Variants in CATSPERG observed in about 807,000 individuals in gnomAD.
CATSPERG encodes catsper channel auxiliary subunit gamma.
A neutral mutation model predicts 145.0 loss-of-function variants in CATSPERG; 115 were observed. The observed-to-expected ratio is 0.79, with a 90% CI of 0.68 to 0.93. The LOEUF is 0.93. Among genes scored for constraint, CATSPERG ranks in the 40% least tolerant of loss-of-function variants. The pLI, the probability that CATSPERG is intolerant of heterozygous loss-of-function variation, is 0.00. For missense variants in CATSPERG, 1,296 were observed against 1,490.1 expected, an observed-to-expected ratio of 0.87 and a Z score of 2.14; for synonymous variants, 588 against 589.0, an observed-to-expected ratio of 1.00 and a Z score of 0.02.
In CATSPERG at chr19:38,354,776, A is replaced by G. The variant is rs750230069; in HGVS notation, c.1064A>G (p.Asn355Ser). The stretch of plus-strand genomic sequence containing the variant: ...CTGTGCCCTGTGTATTTCCATAGCA[A>G]TGGCTCTGAGTACATAATGGCCCTC... ...KKLCPVYFHSNGSEYIMALTT... is the reference protein window; with the variant it reads ...KKLCPVYFHSSGSEYIMALTT... The change falls in exon 9 of 29, where the codon AAT (asparagine) becomes AGT (serine). Residue 355 changes from asparagine (N) to serine (S), a missense_variant. Asn to Ser is a conservative substitution (Grantham distance 46). Transcript: ENST00000409235. 1 of 1,614,122 alleles carries G rather than the reference A, an allele frequency of 6.2e-7. No individual in the cohort carries two copies.
In CATSPERG at chr19:38,362,488, G is replaced by A. The variant is rs1328047388; in HGVS notation, c.2270G>A (p.Arg757His). 6.8e-6 allele frequency: 11 copies of A among 1,613,798 alleles called. No individual in the cohort carries two copies. Among genetic ancestry groups the A allele is most frequent in the Non-Finnish European group, 7.6e-6 (9 of 1,180,032 alleles). ...GAGTCCGCGTACGAGCTGCCGGAGCGCATTTTCCTGGACAAGGGCACTGAG... is the reference window on the plus strand; with the variant it reads ...GAGTCCGCGTACGAGCTGCCGGAGCACATTTTCCTGGACAAGGGCACTGAG... ...NLESAYELPE[R>H]IFLDKGTEYS... Residue 757 changes from arginine to histidine, a missense_variant, in exon 19 of 29, where the codon CGC (arginine) becomes CAC (histidine). By Grantham distance (29) the Arg-to-His change is conservative. Coordinates refer to ENST00000409235, the MANE Select transcript of CATSPERG (RefSeq NM_021185.5).
At chr19:38,338,985 A>T (rs1356411377) in intron 3 of CATSPERG, among the ~76,000 whole-genome samples, 2 of 152,090 alleles carry the variant, frequency 1.3e-5, no homozygotes, top group Admixed American at 6.6e-5. Context: ...GCGGAGTCAA[A>T]GGATTGAGAA....
intron 11 of CATSPERG, among the ~76,000 whole-genome samples, chr19:38,357,124 CA>C (rs1568378449): frequency 6.6e-6 from 1 of 152,142 alleles, no homozygotes; most frequent in Non-Finnish European, 1.5e-5. Flanking sequence ...GTGCAGTGCA[CA>C]AAACCCCCAA....
At chr19:38,358,193 G>A (rs1970280572) in intron 11 of CATSPERG, 85 bp from the exon 12 acceptor site, 1 of 1,371,142 alleles carries the variant, frequency 7.3e-7, no homozygotes, top group Non-Finnish European at 1.0e-6. Context: ...TTTACAGGAG[G>A]CTGAGAAGCA....
chr19:38,347,282 G>T (rs537376209), intron 7 of CATSPERG, among the ~76,000 whole-genome samples: 2 of 152,194 alleles, frequency 1.3e-5, no homozygotes, highest in African/African-American at 4.8e-5. Flanking sequence ...GGAGGCTGAG[G>T]CAGGAGAATG....
chr19:38,337,116 T>C, intron 1 of CATSPERG, 105 bp from the exon 2 acceptor site: 1 of 1,361,396 alleles, frequency 7.3e-7, no homozygotes, highest in East Asian at 2.5e-5. Context: ...AGCCGGGGCG[T>C]GGCCAGGAGC....
chr19:38,344,874 CACACACACAT>C (rs771454831), intron 6 of CATSPERG, among the ~76,000 whole-genome samples: 1,188 of 85,458 alleles, frequency 0.014, 60 homozygotes, highest in East Asian at 0.09. Flanking sequence ...CACACACACA[CACACACACAT>C]ATATATATAT....
At chr19:38,339,282 A>G (rs1259330559) in intron 3 of CATSPERG, among the ~76,000 whole-genome samples, 2 of 151,820 alleles carry the variant, frequency 1.3e-5, no homozygotes, top group Non-Finnish European at 2.9e-5. Context: ...GTCTAGACAC[A>G]TTCCAGAGCC....
At chr19:38,347,465 T>G (rs943889498) in intron 7 of CATSPERG, among the ~76,000 whole-genome samples, 1 of 152,224 alleles carries the variant, frequency 6.6e-6, no homozygotes, top group Non-Finnish European at 1.5e-5. Context: ...AAATTCTGCA[T>G]TGCAATATAC....
chr19:38,346,929 G>A (rs1970050797), intron 7 of CATSPERG, among the ~76,000 whole-genome samples: 1 of 152,152 alleles, frequency 6.6e-6, no homozygotes, highest in Non-Finnish European at 1.5e-5. Context: ...AATAGTTTCT[G>A]GCCGGGTGCA....
At chr19:38,342,455 C>T (rs1476723606) in intron 3 of CATSPERG, among the ~76,000 whole-genome samples, 6 of 151,898 alleles carry the variant, frequency 4.0e-5, no homozygotes, top group Non-Finnish European at 7.4e-5. Flanking sequence ...CAAAAATTAG[C>T]TGGGCATGGT....
chr19:38,362,686 C>T (rs764246590), intron 19 of CATSPERG, 28 bp from the exon 20 acceptor site: 2 of 1,611,082 alleles, frequency 1.2e-6, no homozygotes, highest in Middle Eastern at 1.7e-4. Flanking sequence ...GTGAGGGAGG[C>T]CTTAACCCCG....
intron 7 of CATSPERG, 138 bp downstream of exon 7, chr19:38,346,743 A>G (rs1248082266): frequency 3.7e-5 from 28 of 758,582 alleles, no homozygotes; most frequent in Non-Finnish European, 5.0e-5. Flanking sequence ...TAGCATGAAG[A>G]AAAAACACAA....
intron 7 of CATSPERG, 53 bp downstream of exon 7, chr19:38,346,658 T>C: frequency 6.7e-7 from 1 of 1,489,402 alleles, no homozygotes; most frequent in Non-Finnish European, 9.1e-7. Context: ...GAGCTGGGCC[T>C]CAGCCCCTGA....
chr19:38,357,671 G>A (rs949597358), intron 11 of CATSPERG, among the ~76,000 whole-genome samples: 1 of 152,112 alleles, frequency 6.6e-6, no homozygotes, highest in African/African-American at 2.4e-5. Context: ...ACAAAAATTG[G>A]CCGGGCACGG....
At chr19:38,340,390 G>A (rs1337989635) in intron 3 of CATSPERG, among the ~76,000 whole-genome samples, 2 of 148,846 alleles carry the variant, frequency 1.3e-5, no homozygotes, top group African/African-American at 2.5e-5. Context: ...GCATGATCTC[G>A]GCTCAGTACA....
At chr19:38,346,699 C>G in intron 7 of CATSPERG, 94 bp downstream of exon 7, 1 of 1,182,250 alleles carries the variant, frequency 8.5e-7, no homozygotes, top group South Asian at 1.7e-5. Context: ...CTCTAGAAGT[C>G]CCCAAAGACA....
At chr19:38,340,750 G>T (rs1969924186) in intron 3 of CATSPERG, among the ~76,000 whole-genome samples, 1 of 152,126 alleles carries the variant, frequency 6.6e-6, no homozygotes, top group South Asian at 2.1e-4. Flanking sequence ...CTCCCAAGTA[G>T]CAGGGACTAC....
At position 38,337,491 on chromosome 19, in the gene CATSPERG, T is replaced by C. The variant is rs1969861557; in HGVS notation, c.257T>C (p.Ile86Thr). The C allele has an allele frequency of 6.4e-7, 1 of 1,552,052 alleles. No individual in the cohort carries two copies. Among genetic ancestry groups the C allele is most frequent in the Non-Finnish European group, 8.7e-7 (1 of 1,147,086 alleles). ...TTTCACATGCTGGTGGACTCACCCA[T>C]CGACCCGAGCGAGGTGAGGGGACCA... ...SLFHMLVDSP[I>T]DPSEKYLGFP... is the part of the protein sequence containing the mutation. The change falls in exon 2 of 29, where the codon ATC (isoleucine) becomes ACC (threonine). Residue 86 changes from isoleucine (I) to threonine (T), a missense_variant. Transcript: ENST00000409235.
Sources: allele counts gnomAD v4.1 joint callset (sites outside exome capture counted in the v4.1 genomes callset), GRCh38; gene constraint gnomAD v4.1.1; transcripts MANE v1.5; gene names NCBI Gene and HGNC (gene_info 2026-07-23, HGNC 2026-07-21).